Variants in DLEU7 observed in about 807,000 individuals in gnomAD.
DLEU7 encodes the protein leukemia-associated protein 7.
A neutral mutation model predicts 16.0 loss-of-function variants in DLEU7; 17 were observed. The observed-to-expected ratio is 1.06, with a 90% CI of 0.73 to 1.59. The LOEUF (loss-of-function observed/expected upper bound fraction) is 1.59. Among genes scored for constraint, DLEU7 ranks in the 40% most tolerant of loss-of-function variants. DLEU7 has a pLI of 0.00. For synonymous variants in DLEU7, 113 were observed against 139.8 expected, an observed-to-expected ratio of 0.81 and a Z score of 1.35; for missense variants, 308 against 314.9, an observed-to-expected ratio of 0.98 and a Z score of 0.17.
chr13:50,765,845 A>T (rs1875085889), intron 1 of DLEU7, among the ~76,000 whole-genome samples: 1 of 152,224 alleles, frequency 6.6e-6, no homozygotes, highest in Non-Finnish European at 1.5e-5. Context: ...TTGAGAAGAC[A>T]GCAAGTGAAG....
At chr13:50,732,516 A>G (rs904607909) in intron 1 of DLEU7, among the ~76,000 whole-genome samples, 5 of 148,866 alleles carry the variant, frequency 3.4e-5, no homozygotes, top group African/African-American at 1.0e-4. Flanking sequence ...TCGAGGCAGG[A>G]GAATCACTTG....
intron 1 of DLEU7, among the ~76,000 whole-genome samples, chr13:50,833,770 C>T (rs1877356665): frequency 6.6e-6 from 1 of 152,282 alleles, no homozygotes; most frequent in Admixed American, 6.5e-5. Flanking sequence ...GGAGGCATCA[C>T]ACTACCTGAC....
chr13:50,759,770 G>A (rs1301358445), intron 1 of DLEU7, among the ~76,000 whole-genome samples: 1 of 152,136 alleles, frequency 6.6e-6, no homozygotes, highest in African/African-American at 2.4e-5. Flanking sequence ...GATTCTCAGT[G>A]TGCTAAGAAC....
At chr13:50,725,497 CA>C (rs1566230103) in intron 1 of DLEU7, among the ~76,000 whole-genome samples, 1 of 152,180 alleles carries the variant, frequency 6.6e-6, no homozygotes, top group Non-Finnish European at 1.5e-5. Flanking sequence ...GCCCAGACAG[CA>C]GCTGCTCCAC....
chr13:50,740,845 C>T (rs1450614347), intron 1 of DLEU7, among the ~76,000 whole-genome samples: 3 of 152,060 alleles, frequency 2.0e-5, no homozygotes, highest in Admixed American at 2.0e-4. Flanking sequence ...TTGGACTGTT[C>T]CTGCTTATAA....
At chr13:50,764,919 G>C (rs1208202307) in intron 1 of DLEU7, among the ~76,000 whole-genome samples, 2 of 147,696 alleles carry the variant, frequency 1.4e-5, no homozygotes, top group African/African-American at 5.2e-5. Flanking sequence ...GTCTCACTCT[G>C]TTGCCCAGGC....
At chr13:50,742,565 CCTG>C (rs1463746472) in intron 1 of DLEU7, among the ~76,000 whole-genome samples, 1 of 152,008 alleles carries the variant, frequency 6.6e-6, no homozygotes, top group Admixed American at 6.6e-5. Context: ...GGTTTGCAGC[CCTG>C]TTTTCTTTAT....
At chr13:50,776,958 A>G (rs1875518799) in intron 1 of DLEU7, among the ~76,000 whole-genome samples, 1 of 152,194 alleles carries the variant, frequency 6.6e-6, no homozygotes, top group Non-Finnish European at 1.5e-5. Flanking sequence ...ATGAAAATCC[A>G]GATTTCCATC....
chr13:50,802,285 T>A (rs1277608198), intron 1 of DLEU7, among the ~76,000 whole-genome samples: 1 of 152,150 alleles, frequency 6.6e-6, no homozygotes, highest in East Asian at 1.9e-4. Flanking sequence ...GAAGGTACAA[T>A]CAAGTTAAGA....
chr13:50,746,957 A>C (rs1237383090), intron 1 of DLEU7, among the ~76,000 whole-genome samples: 1 of 37,110 alleles, frequency 2.7e-5, no homozygotes, highest in Non-Finnish European at 7.2e-5. Flanking sequence ...TGGAACGTAC[A>C]CACACACACA....
rs531346566 is a variant in DLEU7, at chr13:50,739,396, C to T, written c.460-26156G>A. 2.6e-5 allele frequency among the ~76,000 whole-genome samples: 4 copies of T among 152,286 alleles called. No individual in the cohort carries two copies. The South Asian group carries it at 8.3e-4, about 32-fold the overall frequency. On this transcript the variant is annotated intron_variant, in intron 1 of 1. Coordinates refer to the DLEU7 transcript ENST00000400393. ...AATGTTTGTTGACTGAATAGACCTT[C>T]ATGGCCTAGTAGGTGAATCCATGAA...
chr13:50,842,711 A>G lies in DLEU7; in HGVS notation c.459+477T>C, dbSNP rs547649000. ...GAATTGGATTTATGCAAAAAATAAT[A>G]GTGATTCATGAATGTGAAGGAACTT... On this transcript the variant is annotated intron_variant, in intron 1 of 1. Transcript: ENST00000504404. Among the ~76,000 whole-genome samples, 37 of 152,320 alleles carry G rather than the reference A, an allele frequency of 2.4e-4. No homozygotes were observed. In the South Asian group the frequency reaches 7.3e-3, roughly 30 times the overall value.
rs1244189526 is a variant in DLEU7, at chr13:50,726,417, T to G, written c.460-13177A>C. On this transcript the variant is annotated intron_variant, in intron 1 of 1. Transcript: ENST00000400393. This position sits in a 1 kb window ranked among gnomAD's most constrained non-coding sequence, Gnocchi z 4.0. The stretch of plus-strand genomic sequence containing the variant: ...GCAACAGCCACCTGACTTTCCCGCC[T>G]CCTCCTTTCACGGAACACAGGCTTC... Among the ~76,000 whole-genome samples, 1 of 151,356 alleles carries G rather than the reference T, an allele frequency of 6.6e-6. No individual in the cohort carries two copies. The highest frequency in any genetic ancestry group is 1.5e-5 in the Non-Finnish European group (1 of 67,860).
intron 1 of DLEU7, among the ~76,000 whole-genome samples, chr13:50,770,660 T>C (rs548930111): frequency 2.0e-5 from 3 of 152,336 alleles, no homozygotes; most frequent in East Asian, 3.9e-4. Context: ...GATGTGCTGC[T>C]GGATTCAGTT....
intron 1 of DLEU7, among the ~76,000 whole-genome samples, chr13:50,748,292 G>T (rs1486179470): frequency 7.4e-6 from 1 of 135,780 alleles, no homozygotes; most frequent in East Asian, 2.2e-4. Context: ...TTCACAGCTG[G>T]CCAGGACAGG....
intron 1 of DLEU7, among the ~76,000 whole-genome samples, chr13:50,798,739 C>T (rs1876167163): frequency 6.6e-6 from 1 of 152,210 alleles, no homozygotes; most frequent in South Asian, 2.1e-4. Flanking sequence ...CAGGACAATT[C>T]CGCTGGTCAC....
chr13:50,777,869 A>G (rs113921585), intron 1 of DLEU7, among the ~76,000 whole-genome samples: 1 of 152,168 alleles, frequency 6.6e-6, no homozygotes, highest in Non-Finnish European at 1.5e-5. Flanking sequence ...CCTCCCCTGT[A>G]TTAAGAAATA....
At chr13:50,834,838 T>C (rs965414362) in intron 1 of DLEU7, among the ~76,000 whole-genome samples, 1 of 152,102 alleles carries the variant, frequency 6.6e-6, no homozygotes, top group African/African-American at 2.4e-5. Context: ...GTGGCACATA[T>C]GCACCATGGA....
chr13:50,747,332 CTGTGTGTGTGTGTGTG>C (rs3039979), intron 1 of DLEU7, among the ~76,000 whole-genome samples: 26 of 137,808 alleles, frequency 1.9e-4, no homozygotes, highest in Non-Finnish European at 3.2e-4. Flanking sequence ...AAGAAAAACT[CTGTGTGTGTGTGTGTG>C]TGTGTGTGTG....
Sources: gnomAD v4.1 joint callset for allele counts (sites outside exome capture counted in the v4.1 genomes callset) on GRCh38, gnomAD v4.1.1 for gene constraint, Gnocchi (gnomAD v3.1) non-coding constraint, MANE v1.5 for transcripts, NCBI Gene and HGNC (gene_info 2026-07-23, HGNC 2026-07-21) for gene names.